FAM171B: variants seen among roughly 807,000 people sequenced by gnomAD.
FAM171B encodes the protein family with sequence similarity 171 member B.
Under a neutral mutation model 75.6 loss-of-function variants are expected in FAM171B, and 19 were observed. That is an observed-to-expected ratio of 0.25 (90% CI 0.18 to 0.37). FAM171B has a LOEUF of 0.37. FAM171B is among the 10% of genes least tolerant of loss of function. The pLI, the probability that FAM171B is intolerant of heterozygous loss-of-function variation, is 1.00. For synonymous variants in FAM171B, 367 were observed against 361.7 expected, an observed-to-expected ratio of 1.01 and a Z score of -0.17; for missense variants, 848 against 982.4, an observed-to-expected ratio of 0.86 and a Z score of 1.83.
intron 1 of FAM171B, among the ~76,000 whole-genome samples, chr2:186,707,830 C>CTT (rs59441406): frequency 3.1e-5 from 3 of 97,416 alleles, no homozygotes; most frequent in African/African-American, 3.9e-5. Context: ...TTAAATACCA[C>CTT]TTTTTTTTTT....
intron 4 of FAM171B, among the ~76,000 whole-genome samples, chr2:186,749,011 A>T (rs1052898617): frequency 6.6e-5 from 10 of 152,266 alleles, no homozygotes; most frequent in Non-Finnish European, 1.5e-4. Context: ...AGTATTCATT[A>T]ATAGTTTTGA....
Position 186,764,062 on chromosome 2 carries a change from C to G in FAM171B, c.*1239C>G, listed in dbSNP as rs1042976893. 6.6e-6 allele frequency: 1 copy of G among 152,040 alleles called. No homozygotes were observed. The highest frequency in any genetic ancestry group is 2.1e-4 in the South Asian group (1 of 4,834). 9.4% of individuals were successfully genotyped at this position (152,040 alleles called of 1,614,324 possible). Reference sequence around the variant, plus strand: ...AATGTGAACAACTTTTTAATTAACTCTGAATTACCATTCATACATCCTAAA... The same window carrying G: ...AATGTGAACAACTTTTTAATTAACTGTGAATTACCATTCATACATCCTAAA... On this transcript the variant is annotated 3_prime_UTR_variant, in exon 8 of 8. Coordinates refer to ENST00000304698, the MANE Select transcript of FAM171B (RefSeq NM_177454.4).
In FAM171B at chr2:186,751,641, T is replaced by C. The variant is rs141019418; in HGVS notation, c.895+337T>C. On this transcript the variant is annotated intron_variant, in intron 5 of 7. Transcript: ENST00000304698. ...CATAATACCTATCTAAAAGCGTGGT[T>C]TAAGGCCATAGGGAAATGTATGCTA... 1.1e-4 allele frequency among the ~76,000 whole-genome samples: 16 copies of C among 152,306 alleles called. No individual in the cohort carries two copies. In the East Asian group the frequency reaches 3.1e-3, roughly 29 times the overall value.
chr2:186,757,025 T>C (rs1690542872), intron 6 of FAM171B, among the ~76,000 whole-genome samples: 1 of 152,092 alleles, frequency 6.6e-6, no homozygotes, highest in Non-Finnish European at 1.5e-5. Flanking sequence ...GGCCCATGGA[T>C]GTGTTCATCA....
At chr2:186,732,721 T>C (rs1221309539) in intron 1 of FAM171B, among the ~76,000 whole-genome samples, 1 of 152,246 alleles carries the variant, frequency 6.6e-6, no homozygotes, top group Non-Finnish European at 1.5e-5. Context: ...AGTGGCCTGC[T>C]AGCACTTGGG....
intron 4 of FAM171B, among the ~76,000 whole-genome samples, chr2:186,750,376 C>G (rs950869138): frequency 6.6e-6 from 1 of 152,120 alleles, no homozygotes; most frequent in African/African-American, 2.4e-5. Context: ...ATTAGTAAAT[C>G]TTTAAAACCT....
chr2:186,731,540 G>A (rs913289236), intron 1 of FAM171B, among the ~76,000 whole-genome samples: 2 of 152,212 alleles, frequency 1.3e-5, no homozygotes, highest in Non-Finnish European at 1.5e-5. Context: ...GGGTGGCTGA[G>A]AGAATTATTT....
chr2:186,696,374 T>C (rs1226730076), intron 1 of FAM171B, among the ~76,000 whole-genome samples: 2 of 151,338 alleles, frequency 1.3e-5, no homozygotes, highest in East Asian at 1.9e-4. Flanking sequence ...TTTGAATGCA[T>C]TGTGATCTCT....
In FAM171B at chr2:186,694,225, G is replaced by A; in HGVS notation, c.52G>A (p.Val18Met). 1 of 1,610,526 alleles carries A rather than the reference G, an allele frequency of 6.2e-7. No individual in the cohort carries two copies. The highest frequency in any genetic ancestry group is 8.5e-7 in the Non-Finnish European group (1 of 1,179,826). ...CTGCACCCTGCTTCTCGGCCTGGCC[G>A]TGGTGCTGCTGAAAGCGCGGCTGGT... is the stretch of plus-strand genomic sequence containing the variant. ...VPCTLLLGLA[V>M]VLLKARLVPA... Residue 18 changes from valine (V) to methionine (M), a missense_variant, in exon 1 of 8, where the codon GTG becomes ATG. By Grantham distance (21) the Val-to-Met change is conservative (BLOSUM62 1). Around this residue, in one of 3 missense-constraint regions of FAM171B, gnomAD observed 665 missense variants for 729.0 expected, o/e 0.91. Coordinates refer to ENST00000304698, the MANE Select transcript of FAM171B (RefSeq NM_177454.4).
intron 1 of FAM171B, among the ~76,000 whole-genome samples, chr2:186,723,687 A>C (rs1041134032): frequency 2.6e-5 from 4 of 152,230 alleles, no homozygotes; most frequent in Non-Finnish European, 5.9e-5. Flanking sequence ...GAAGTTGCTG[A>C]AGGAAGAAAT....
Position 186,694,334 on chromosome 2 carries a change from A to AACC in FAM171B, c.163_164insCAC (p.Gln54_Gln55insPro), listed in dbSNP as rs2105767297. The AACC allele has an allele frequency of 6.2e-7, 1 of 1,613,220 alleles. No homozygotes were observed. The highest frequency in any genetic ancestry group is 1.1e-5 in the South Asian group (1 of 90,820). ...CAGCAGCAGCAGCAACAACAACAAC[A>AACC]ACAGCAAAAGCAGCTGGAGGAGGCT... On this transcript the variant is annotated inframe_insertion, in exon 1 of 8. Transcript: ENST00000304698.
At chr2:186,733,142 T>C (rs576164720) in intron 1 of FAM171B, among the ~76,000 whole-genome samples, 1 of 152,342 alleles carries the variant, frequency 6.6e-6, no homozygotes, top group East Asian at 1.9e-4. Context: ...TCTGTGAGAC[T>C]TTGGTCAATT....
intron 6 of FAM171B, among the ~76,000 whole-genome samples, chr2:186,755,774 C>G (rs1278404978): frequency 6.6e-6 from 1 of 152,144 alleles, no homozygotes; most frequent in African/African-American, 2.4e-5. Context: ...CCACCTCAGC[C>G]TCTTAAGAAG....
intron 1 of FAM171B, among the ~76,000 whole-genome samples, chr2:186,716,042 GT>G (rs1689870570): frequency 6.6e-6 from 1 of 151,822 alleles, no homozygotes; most frequent in African/African-American, 2.4e-5. Flanking sequence ...TATTTAAATT[GT>G]TTTTTAGAGA....
At chr2:186,728,463 G>C (rs976594734) in intron 1 of FAM171B, among the ~76,000 whole-genome samples, 2 of 152,114 alleles carry the variant, frequency 1.3e-5, no homozygotes, top group African/African-American at 4.8e-5. Flanking sequence ...TAGGTAATCA[G>C]TAAACATTTG....
Position 186,763,056 on chromosome 2 carries a change from G to A in FAM171B, c.*233G>A. The A allele has an allele frequency of 4.3e-6, 2 of 460,158 alleles. No individual in the cohort carries two copies. Among genetic ancestry groups the A allele is most frequent in the Non-Finnish European group, 7.5e-6 (2 of 265,276 alleles). 28.5% of individuals were successfully genotyped at this position (460,158 alleles called of 1,614,324 possible). A position where few individuals can be genotyped will look rare whatever the true frequency, so the allele number is the denominator to read the frequency against. On this transcript the variant is annotated 3_prime_UTR_variant, in exon 8 of 8. Coordinates refer to ENST00000304698, the MANE Select transcript of FAM171B (RefSeq NM_177454.4). ...TTTACAGTATCTAAGTTTTCAAAAT[G>A]TAAAATAGCTTCAAGATGTTAGTTA...
intron 4 of FAM171B, among the ~76,000 whole-genome samples, chr2:186,749,678 G>A (rs1205770762): frequency 6.6e-6 from 1 of 152,140 alleles, no homozygotes; most frequent in Admixed American, 6.6e-5. Flanking sequence ...TGGCTGCCAA[G>A]ACCCTCCACT....
At chr2:186,747,059 A>G in intron 3 of FAM171B, 33 bp from the exon 4 acceptor site, 1 of 1,515,940 alleles carries the variant, frequency 6.6e-7, no homozygotes. Flanking sequence ...ACATGCCTTT[A>G]TCTCTTTGTT....
chr2:186,694,305 G>GCAA lies in FAM171B; in HGVS notation c.134_135insACA (p.Gln56dup), dbSNP rs1453370540. 5 of 1,399,008 alleles carry GCAA rather than the reference G, an allele frequency of 3.6e-6. No individual in the cohort carries two copies. Among genetic ancestry groups the GCAA allele is most frequent in the African/African-American group, 3.1e-5 (2 of 63,522 alleles). The allele number at this position is 1,399,008 out of a possible 1,614,324, so 86.7% of individuals were successfully genotyped here. A position where few individuals can be genotyped will look rare whatever the true frequency, so the allele number is the denominator to read the frequency against. ...GCTCCGACCTCAGCCTCATCCAACA[G>GCAA]CAGCAGCAGCAGCAGCAACAACAAC... On this transcript the variant is annotated inframe_insertion, in exon 1 of 8. Coordinates refer to ENST00000304698, the MANE Select transcript of FAM171B (RefSeq NM_177454.4).
Sources: gnomAD v4.1 joint callset for allele counts (sites outside exome capture counted in the v4.1 genomes callset) on GRCh38, gnomAD v4.1.1 for gene constraint, gnomAD v4.1.1 regional missense constraint, MANE v1.5 for transcripts, NCBI Gene and HGNC (gene_info 2026-07-23, HGNC 2026-07-21) for gene names.